Variants in PLCG2 observed in about 807,000 individuals in gnomAD.
PLCG2 encodes 1-phosphatidylinositol 4,5-bisphosphate phosphodiesterase gamma-2.
In PLCG2, 69 loss-of-function variants were observed where a neutral mutation model predicts 175.6. The ratio of observed to expected loss-of-function variants is 0.39; its 90% CI spans 0.32 to 0.48. The LOEUF (loss-of-function observed/expected upper bound fraction) is 0.48, where lower values mean the gene tolerates loss of function less well. Ranked by LOEUF, PLCG2 falls within the 20% of genes least tolerant of loss-of-function variation. The pLI is 0.91. For synonymous variants in PLCG2, 827 were observed against 624.0 expected (o/e 1.33, Z -4.85); for missense variants, 1,798 against 1,650.9 (o/e 1.09, Z -1.54).
intron 21 of PLCG2, among the ~76,000 whole-genome samples, chr16:81,922,479 T>G (rs1910100116): frequency 6.6e-6 from 1 of 152,256 alleles, no homozygotes; most frequent in Non-Finnish European, 1.5e-5. Context: ...TGCAAGCTGT[T>G]GTCAGTTTTA....
rs182621687 is a variant in PLCG2 at position 81,874,715 on chromosome 16, A to G, written c.648+3780A>G. 2.7e-3 allele frequency among the ~76,000 whole-genome samples: 416 copies of G among 152,252 alleles called. 1 individual carries two copies. The highest frequency in any genetic ancestry group is 4.4e-3 in the Non-Finnish European group (300 of 68,012). ...GCTTATCAGCAGCCAAATGGTTTCCATCGTGAGCTTGCTAGTTCCTCTTTG... is the reference window on the plus strand; with the variant it reads ...GCTTATCAGCAGCCAAATGGTTTCCGTCGTGAGCTTGCTAGTTCCTCTTTG... On this transcript the variant is annotated intron_variant, in intron 7 of 32. Transcript: ENST00000564138.
At chr16:81,835,299 A>G (rs1459689624) in intron 2 of PLCG2, among the ~76,000 whole-genome samples, 3 of 152,204 alleles carry the variant, frequency 2.0e-5, no homozygotes, top group East Asian at 3.9e-4. Context: ...TAGCTGTTAT[A>G]ATAATAATGA....
intron 2 of PLCG2, among the ~76,000 whole-genome samples, chr16:81,833,567 T>A (rs1905360700): frequency 6.6e-6 from 1 of 151,296 alleles, no homozygotes. Flanking sequence ...TTTCACTCTG[T>A]CACCCAGGCT....
chr16:81,750,737 G>A (rs1481437640), intron 1 of PLCG2, among the ~76,000 whole-genome samples: 1 of 133,726 alleles, frequency 7.5e-6, no homozygotes, highest in Non-Finnish European at 1.5e-5. Flanking sequence ...GCGCGATCTC[G>A]GCTCACTGCA....
At chr16:81,818,934 A>G in intron 2 of PLCG2, among the ~76,000 whole-genome samples, 1 of 145,664 alleles carries the variant, frequency 6.9e-6, no homozygotes, top group Non-Finnish European at 1.5e-5. Flanking sequence ...TTGAATCACA[A>G]AAATAAATAC....
At chr16:81,912,029 C>A (rs1304858632) in intron 18 of PLCG2, among the ~76,000 whole-genome samples, 4 of 152,088 alleles carry the variant, frequency 2.6e-5, no homozygotes, top group Non-Finnish European at 5.9e-5. Context: ...GATCTCCTGA[C>A]CTCATGATCC....
At chr16:81,947,126 G>A (rs574004207) in intron 31 of PLCG2, among the ~76,000 whole-genome samples, 3 of 152,260 alleles carry the variant, frequency 2.0e-5, no homozygotes, top group African/African-American at 4.8e-5. Flanking sequence ...GTAAACAACC[G>A]GAAACATTAT....
chr16:81,897,194 G>C (rs758340912), intron 13 of PLCG2, among the ~76,000 whole-genome samples: 1 of 152,214 alleles, frequency 6.6e-6, no homozygotes, highest in Admixed American at 6.5e-5. Flanking sequence ...TCCTGGTTTG[G>C]GTTCCTTGTT....
At chr16:81,850,564 G>T (rs1906354432) in intron 2 of PLCG2, among the ~76,000 whole-genome samples, 1 of 152,134 alleles carries the variant, frequency 6.6e-6, no homozygotes, top group Non-Finnish European at 1.5e-5. Flanking sequence ...CCCAGACAAG[G>T]CTTTATTGGA....
chr16:81,745,352 A>G (rs535461931), intron 1 of PLCG2, among the ~76,000 whole-genome samples: 1 of 152,168 alleles, frequency 6.6e-6, no homozygotes, highest in East Asian at 1.9e-4. Context: ...GTAAGTTGCA[A>G]TATCCCTTAG....
chr16:81,778,044 A>AAACAATC (rs1567457783), upstream of PLCG2, among the ~76,000 whole-genome samples: 1 of 83,782 alleles, frequency 1.2e-5, no homozygotes, highest in African/African-American at 5.6e-5. Context: ...AAAAAAAAAC[A>AAACAATC]AAAAAAAAAA....
chr16:81,798,237 C>G (rs1028933857), intron 2 of PLCG2, among the ~76,000 whole-genome samples: 6 of 152,342 alleles, frequency 3.9e-5, no homozygotes, highest in African/African-American at 1.4e-4. Flanking sequence ...CCAGTATGTA[C>G]TTAACACAGG....
intron 2 of PLCG2, among the ~76,000 whole-genome samples, chr16:81,844,730 A>G (rs1906022831): frequency 6.6e-6 from 1 of 152,238 alleles, no homozygotes; most frequent in South Asian, 2.1e-4. Context: ...AAGTTATAGT[A>G]GACATTCAGA....
chr16:81,853,192 A>T (rs960356266), intron 2 of PLCG2, among the ~76,000 whole-genome samples: 2 of 152,126 alleles, frequency 1.3e-5, no homozygotes, highest in African/African-American at 2.4e-5. Context: ...CTAGCCGGGC[A>T]TGGTGGCACA....
intron 12 of PLCG2, among the ~76,000 whole-genome samples, chr16:81,894,647 C>T (rs1015331416): frequency 3.9e-5 from 6 of 152,050 alleles, no homozygotes; most frequent in African/African-American, 4.8e-5. Context: ...TCGAGGTGGG[C>T]GGATCACTTG....
At chr16:81,896,363 AAAACACACACAC>A (rs1908886554) in intron 13 of PLCG2, among the ~76,000 whole-genome samples, 1 of 128,954 alleles carries the variant, frequency 7.8e-6, no homozygotes, top group Non-Finnish European at 1.6e-5. Flanking sequence ...CTTCTCTACC[AAAACACACACAC>A]ACACACACAC....
chr16:81,900,111 C>T (rs79283826), intron 13 of PLCG2, among the ~76,000 whole-genome samples: 98,242 of 151,968 alleles, frequency 0.65, 31,889 homozygotes, highest in East Asian at 0.74. Context: ...TGCATGCACA[C>T]ATGCAAATTA....
intron 2 of PLCG2, among the ~76,000 whole-genome samples, chr16:81,822,196 C>T (rs904827043): frequency 6.6e-6 from 1 of 152,024 alleles, no homozygotes; most frequent in Admixed American, 6.6e-5. Flanking sequence ...TGAGATTTGG[C>T]TTTCCTGGGA....
intron 18 of PLCG2, among the ~76,000 whole-genome samples, chr16:81,911,998 C>T (rs1405328720): frequency 2.0e-5 from 3 of 151,942 alleles, no homozygotes; most frequent in Non-Finnish European, 4.4e-5. Flanking sequence ...AGGGTTTCAC[C>T]GTGTTAGCCA....
Sources: allele counts gnomAD v4.1 joint callset (sites outside exome capture counted in the v4.1 genomes callset), GRCh38; gene constraint gnomAD v4.1.1; transcripts MANE v1.5; gene names NCBI Gene and HGNC (gene_info 2026-07-23, HGNC 2026-07-21).